RGS7: variants seen among roughly 807,000 people sequenced by gnomAD.
RGS7 encodes regulator of G-protein signaling 7.
A neutral mutation model predicts 81.1 loss-of-function variants in RGS7; 27 were observed. The ratio of observed to expected loss-of-function variants is 0.33; its 90% confidence interval spans 0.25 to 0.46. The LOEUF (loss-of-function observed/expected upper bound fraction) is 0.46, where lower values mean the gene tolerates loss of function less well. Ranked by LOEUF, RGS7 falls within the 20% of genes least tolerant of loss-of-function variation. RGS7 has a pLI of 1.00. For missense variants in RGS7, 396 were observed against 607.4 expected, an observed-to-expected ratio of 0.65 and a Z score of 3.66; for synonymous variants, 208 against 207.7, an observed-to-expected ratio of 1.00 and a Z score of -0.01.
chr1:240,967,581 GAA>G (rs149860484), intron 4 of RGS7, among the ~76,000 whole-genome samples: 5 of 139,084 alleles, frequency 3.6e-5, no homozygotes, highest in African/African-American at 1.4e-4. Flanking sequence ...GGGGGGGGGG[GAA>G]AAGGCTGTAG....
chr1:241,188,225 C>T (rs1202757502), intron 2 of RGS7, among the ~76,000 whole-genome samples: 1 of 151,540 alleles, frequency 6.6e-6, no homozygotes, highest in Non-Finnish European at 1.5e-5. Context: ...TATTATGTGT[C>T]AATAATGAAA....
At position 240,776,015 on chromosome 1, in the gene RGS7, G is replaced by T; in HGVS notation, c.*205C>A. ...AGGCATTGAGACGGAAGAGTCCATT[G>T]GAGATGGAATGTACACACAAAAATA... On this transcript the variant is annotated 3_prime_UTR_variant, in exon 19 of 19. Transcript: ENST00000440928. 1 of 711,280 alleles carries T rather than the reference G, an allele frequency of 1.4e-6. No individual in the cohort carries two copies. The allele number at this position is 711,280 out of a possible 1,614,324, so 44.1% of individuals were successfully genotyped here. A position where few individuals can be genotyped will look rare whatever the true frequency, so the allele number is the denominator to read the frequency against.
At chr1:240,790,724 T>C (rs76944272) in intron 18 of RGS7, among the ~76,000 whole-genome samples, 153 of 152,302 alleles carry the variant, frequency 1.0e-3, no homozygotes, top group African/African-American at 3.7e-3. Flanking sequence ...AATACCCATT[T>C]GTCACTGAGC....
Position 241,235,894 on chromosome 1 carries a change from C to T in RGS7, c.78+119805G>A, listed in dbSNP as rs556080951. Among the ~76,000 whole-genome samples, 150 of 69,624 alleles carry T rather than the reference C, an allele frequency of 2.2e-3. 2 individuals carry two copies. The highest frequency in any genetic ancestry group is 7.8e-3 in the Middle Eastern group (1 of 128). The allele number at this position is 69,624 out of a possible 152,430, so 45.7% of individuals were successfully genotyped here. A position where few individuals can be genotyped will look rare whatever the true frequency, so the allele number is the denominator to read the frequency against. On this transcript the variant is annotated intron_variant, in intron 2 of 18. Transcript: ENST00000440928. ...GGGAGTGAGATACAAGGGTGAACCC[C>T]TAGGAGATGCACTTTGAGAGAGAGA... is the stretch of plus-strand genomic sequence containing the variant.
chr1:241,094,728 C>T (rs2064131342), intron 3 of RGS7, among the ~76,000 whole-genome samples: 1 of 152,208 alleles, frequency 6.6e-6, no homozygotes, highest in Non-Finnish European at 1.5e-5. Context: ...TTATATTTGT[C>T]ATTGCATTCT....
intron 2 of RGS7, among the ~76,000 whole-genome samples, chr1:241,117,510 A>G (rs12060963): frequency 0.55 from 83,907 of 152,050 alleles, 26,837 homozygotes; most frequent in African/African-American, 0.89. Context: ...AGGAGGTAAG[A>G]AATGACTTCC....
At chr1:240,823,902 G>A (rs1444703652) in intron 10 of RGS7, among the ~76,000 whole-genome samples, 3 of 137,678 alleles carry the variant, frequency 2.2e-5, no homozygotes, top group Non-Finnish European at 3.0e-5. Context: ...TTTTAGTATC[G>A]GACTCAAGAA....
intron 2 of RGS7, among the ~76,000 whole-genome samples, chr1:241,259,667 A>AAAAAAAAAAAATATATAT: frequency 6.5e-4 from 32 of 49,110 alleles, no homozygotes; most frequent in African/African-American, 1.2e-3. Context: ...AAAAAAAAAA[A>AAAAAAAAAAAATATATAT]ATATATATAT....
Position 240,842,284 on chromosome 1 carries a change from C to T in RGS7, c.610-15112G>A, listed in dbSNP as rs577314331. ...CAAGATCTTGGCTCACTGCAACCCCCGCCTCCCGGTTTCAAGCGATTCTCA... is the reference window on the plus strand; with the variant it reads ...CAAGATCTTGGCTCACTGCAACCCCTGCCTCCCGGTTTCAAGCGATTCTCA... On this transcript the variant is annotated intron_variant, in intron 9 of 18. Transcript: ENST00000440928. 1.1e-4 allele frequency among the ~76,000 whole-genome samples: 16 copies of T among 141,190 alleles called. No individual in the cohort carries two copies. In the East Asian group the frequency reaches 2.8e-3, roughly 25 times the overall value. The allele number at this position is 141,190 out of a possible 152,430, so 92.6% of individuals were successfully genotyped here. A position where few individuals can be genotyped will look rare whatever the true frequency, so the allele number is the denominator to read the frequency against.
chr1:240,817,223 T>A (rs546237719), intron 10 of RGS7, among the ~76,000 whole-genome samples: 63 of 152,318 alleles, frequency 4.1e-4, no homozygotes, highest in African/African-American at 1.4e-3. Context: ...GCCAAATTAT[T>A]TCTTCTTGGA....
chr1:240,848,935 A>C (rs1418999235), intron 9 of RGS7, among the ~76,000 whole-genome samples: 1 of 152,212 alleles, frequency 6.6e-6, no homozygotes, highest in Non-Finnish European at 1.5e-5. Flanking sequence ...TAGACTTATG[A>C]GACATAAAAC....
chr1:240,798,095 C>T (rs1246780188), intron 18 of RGS7, among the ~76,000 whole-genome samples: 1 of 152,176 alleles, frequency 6.6e-6, no homozygotes, highest in Admixed American at 6.5e-5. Context: ...ACTATTTCCC[C>T]ATTTTTTTGT....
At chr1:240,829,463 C>T (rs372267934) in intron 9 of RGS7, among the ~76,000 whole-genome samples, 3 of 152,094 alleles carry the variant, frequency 2.0e-5, no homozygotes, top group Non-Finnish European at 2.9e-5. Context: ...AATCTGCAGC[C>T]GGAGTTCACA....
At chr1:241,082,199 G>T (rs1024215894) in intron 3 of RGS7, among the ~76,000 whole-genome samples, 1 of 152,170 alleles carries the variant, frequency 6.6e-6, no homozygotes, top group African/African-American at 2.4e-5. Flanking sequence ...ATTCCCTTGA[G>T]ATATTGTAAG....
chr1:241,352,889 T>C (rs79841513), intron 2 of RGS7, among the ~76,000 whole-genome samples: 28,678 of 152,202 alleles, frequency 0.19, 3,265 homozygotes, highest in Non-Finnish European at 0.25. Context: ...CAATAGCCTA[T>C]GAAGATAAAA....
intron 2 of RGS7, among the ~76,000 whole-genome samples, chr1:241,246,786 T>C (rs573542871): frequency 1.4e-4 from 21 of 152,016 alleles, no homozygotes; most frequent in Non-Finnish European, 2.1e-4. Context: ...ACTGTAAATC[T>C]TGTAGAATTA....
At chr1:241,134,132 TAAGTTA>T (rs1430045659) in intron 2 of RGS7, among the ~76,000 whole-genome samples, 11 of 152,202 alleles carry the variant, frequency 7.2e-5, no homozygotes, top group Admixed American at 1.3e-4. Flanking sequence ...TAGAATAATT[TAAGTTA>T]AACAAGTTAG....
chr1:241,015,216 A>G (rs995225681), intron 3 of RGS7, among the ~76,000 whole-genome samples: 1 of 152,232 alleles, frequency 6.6e-6, no homozygotes, highest in Non-Finnish European at 1.5e-5. Flanking sequence ...AGAAATAGCT[A>G]TAACTTCCAA....
intron 6 of RGS7, among the ~76,000 whole-genome samples, chr1:240,879,170 T>C (rs191166292): frequency 2.0e-5 from 3 of 152,342 alleles, no homozygotes; most frequent in Admixed American, 6.5e-5. Flanking sequence ...GATTTCTGTG[T>C]CTGTTTTCTT....
Sources: gnomAD v4.1 joint callset for allele counts (sites outside exome capture counted in the v4.1 genomes callset) on GRCh38, gnomAD v4.1.1 for gene constraint, MANE v1.5 for transcripts, NCBI Gene and HGNC (gene_info 2026-07-23, HGNC 2026-07-21) for gene names.